Variants in NPTN observed in about 807,000 individuals in gnomAD.
NPTN encodes the protein neuroplastin, also known as SDR-1.
In NPTN, 5 loss-of-function variants were observed where a neutral mutation model predicts 42.7. The ratio of observed to expected loss-of-function variants is 0.12; its 90% confidence interval spans 0.06 to 0.25. The LOEUF is 0.25. Among genes scored for constraint, NPTN ranks in the 10% least tolerant of loss-of-function variants. NPTN has a pLI of 1.00. For missense variants in NPTN, 307 were observed against 525.4 expected, an observed-to-expected ratio of 0.58 and a Z score of 4.06; for synonymous variants, 180 against 201.9, an observed-to-expected ratio of 0.89 and a Z score of 0.92.
chr15:73,633,204 C>A lies in NPTN; in HGVS notation c.12G>T (p.Ser4=). 1 of 1,528,952 alleles carries A rather than the reference C, an allele frequency of 6.5e-7. No individual in the cohort carries two copies. The highest frequency in any genetic ancestry group is 8.7e-7 in the Non-Finnish European group (1 of 1,143,084). The allele number at this position is 1,528,952 out of a possible 1,614,324, so 94.7% of individuals were successfully genotyped here. ...AGAGGGCCAGGGCGCTGGGCAGCGACGAACCCGACATCCTCCCTAGCAGAA... is the reference window on the plus strand; with the variant it reads ...AGAGGGCCAGGGCGCTGGGCAGCGAAGAACCCGACATCCTCCCTAGCAGAA... MSG[S]SLPSALALSL... is the part of the protein sequence containing the mutation. The change falls in exon 1 of 9, where the codon TCG becomes TCT. Residue 4 remains serine, a synonymous_variant. Transcript: ENST00000345330.
intron 1 of NPTN, among the ~76,000 whole-genome samples, chr15:73,615,133 T>C (rs1053233653): frequency 3.3e-5 from 5 of 149,972 alleles, no homozygotes; most frequent in African/African-American, 1.2e-4. Flanking sequence ...ACTCCTAGCA[T>C]CAAAAACAAA....
intron 1 of NPTN, among the ~76,000 whole-genome samples, chr15:73,612,695 G>A (rs1049216895): frequency 1.3e-5 from 2 of 152,126 alleles, no homozygotes; most frequent in African/African-American, 2.4e-5. Context: ...GCGTGAACCC[G>A]GGAGGCGGAG....
At position 73,569,050 on chromosome 15, in the gene NPTN, C is replaced by T. The variant is rs909395477; in HGVS notation, c.1114+1100G>A. 6.1e-6 allele frequency: 6 copies of T among 985,400 alleles called. No homozygotes were observed. In the South Asian group the frequency reaches 1.4e-4, roughly 23 times the overall value. The allele number at this position is 985,400 out of a possible 1,614,324, so 61.0% of individuals were successfully genotyped here. On this transcript the variant is annotated intron_variant, in intron 6 of 8. Transcript: ENST00000345330. This position sits in a 1 kb window ranked among gnomAD's most constrained non-coding sequence, Gnocchi z 4.1. ...GGCAGGATACAGCACCACAGGTGCA[C>T]AAACACAGGCCCCAGAACAGCTGGA...
At chr15:73,632,145 T>C (rs185689293) in intron 1 of NPTN, among the ~76,000 whole-genome samples, 17 of 152,244 alleles carry the variant, frequency 1.1e-4, no homozygotes, top group Admixed American at 9.8e-4. Flanking sequence ...ACCAATATCA[T>C]ACAGCATTTG....
intron 5 of NPTN, 99 bp downstream of exon 5, chr15:73,573,563 A>T (rs1443829906): frequency 1.5e-6 from 2 of 1,331,618 alleles, no homozygotes; most frequent in Non-Finnish European, 2.0e-6. Flanking sequence ...CGCCATGCAC[A>T]CATCCGAGGA....
intron 1 of NPTN, among the ~76,000 whole-genome samples, chr15:73,616,451 G>T (rs1020448679): frequency 6.6e-6 from 1 of 152,070 alleles, no homozygotes; most frequent in Non-Finnish European, 1.5e-5. Flanking sequence ...TTAACACTCA[G>T]ATATACCACG....
intron 4 of NPTN, among the ~76,000 whole-genome samples, chr15:73,584,399 AAAT>A (rs1479114909): frequency 6.6e-6 from 1 of 152,138 alleles, no homozygotes; most frequent in African/African-American, 2.4e-5. Context: ...TTTTAAAAAA[AAAT>A]TTTAGAAAAG....
intron 4 of NPTN, among the ~76,000 whole-genome samples, chr15:73,575,312 T>C (rs1369003664): frequency 6.6e-6 from 1 of 152,196 alleles, no homozygotes; most frequent in Non-Finnish European, 1.5e-5. Flanking sequence ...AGATGGGGTT[T>C]CACCATGTTG....
chr15:73,601,385 C>G (rs181977218), intron 1 of NPTN, among the ~76,000 whole-genome samples: 1 of 152,316 alleles, frequency 6.6e-6, no homozygotes, highest in East Asian at 1.9e-4. Context: ...TTACAAAGTA[C>G]TGTGAAATCA....
intron 5 of NPTN, among the ~76,000 whole-genome samples, chr15:73,571,863 AAGCTTTTAAAAC>A (rs1400349249): frequency 1.3e-5 from 2 of 152,226 alleles, no homozygotes; most frequent in African/African-American, 4.8e-5. Flanking sequence ...GGGAACTCGT[AAGCTTTTAAAAC>A]AGCTAGTCTG....
At chr15:73,594,281 C>G (rs1020267258) in intron 2 of NPTN, among the ~76,000 whole-genome samples, 2 of 152,096 alleles carry the variant, frequency 1.3e-5, no homozygotes, top group Non-Finnish European at 2.9e-5. Flanking sequence ...ACAAGGAGGC[C>G]AAAGTAAATG....
At position 73,570,002 on chromosome 15, in the gene NPTN, G is replaced by A. The variant is rs947063070; in HGVS notation, c.1114+148C>T. The A allele has an allele frequency of 8.4e-6, 6 of 710,984 alleles. No individual in the cohort carries two copies. Among genetic ancestry groups the A allele is most frequent in the South Asian group, 1.1e-4 (2 of 17,934 alleles). 44.0% of individuals were successfully genotyped at this position (710,984 alleles called of 1,614,324 possible). The stretch of plus-strand genomic sequence containing the variant: ...AAAAATAAAAATAAAAAACTCTTAC[G>A]GGTAGGGGGTTAGGAACTGGTATAA... On this transcript the variant is annotated intron_variant, in intron 6 of 8. Coordinates refer to ENST00000345330, the MANE Select transcript of NPTN (RefSeq NM_012428.4). The surrounding 1 kb of genome is among the most constrained non-coding windows in gnomAD (Gnocchi z 4.0).
chr15:73,565,011 T>G (rs1894898542), intron 6 of NPTN, among the ~76,000 whole-genome samples: 1 of 152,222 alleles, frequency 6.6e-6, no homozygotes, highest in Non-Finnish European at 1.5e-5. Context: ...CGGGCTGTTT[T>G]TCCTTTTGGA....
chr15:73,581,841 T>C (rs1896061639), intron 4 of NPTN, among the ~76,000 whole-genome samples: 1 of 152,136 alleles, frequency 6.6e-6, no homozygotes, highest in Non-Finnish European at 1.5e-5. Context: ...GTGCTCTTTT[T>C]TTTTTTCTTT....
At chr15:73,627,100 TG>T (rs1472674175) in intron 1 of NPTN, among the ~76,000 whole-genome samples, 1 of 152,172 alleles carries the variant, frequency 6.6e-6, no homozygotes, top group Non-Finnish European at 1.5e-5. Context: ...CTGAGTATGG[TG>T]GCTGGCGCCT....
intron 1 of NPTN, among the ~76,000 whole-genome samples, chr15:73,619,249 A>C (rs1341453529): frequency 1.3e-5 from 2 of 152,164 alleles, no homozygotes; most frequent in Non-Finnish European, 2.9e-5. Context: ...CTTAATTACT[A>C]ATGTTTAAAA....
intron 4 of NPTN, among the ~76,000 whole-genome samples, chr15:73,580,508 T>TG (rs1388937018): frequency 1.2e-4 from 16 of 131,574 alleles, no homozygotes; most frequent in African/African-American, 5.0e-4. Context: ...AATATATATA[T>TG]TATATATAAT....
intron 2 of NPTN, among the ~76,000 whole-genome samples, chr15:73,594,014 A>G (rs1896718621): frequency 1.3e-5 from 2 of 152,212 alleles, no homozygotes; most frequent in South Asian, 4.1e-4. Flanking sequence ...AGCAGAAAGC[A>G]TCACAATTCC....
At position 73,560,190 on chromosome 15, in the gene NPTN, T is replaced by G. The variant is rs1043574; in HGVS notation, c.*873A>C. The G allele has an allele frequency of 7.3e-6, 2 of 273,400 alleles. No individual in the cohort carries two copies. Among genetic ancestry groups the G allele is most frequent in the Admixed American group, 1.1e-4 (2 of 17,812 alleles). 16.9% of individuals were successfully genotyped at this position (273,400 alleles called of 1,614,324 possible). Reference sequence around the variant, plus strand: ...AGTAAATCAATGTGAAAAAATACAGTGTCAAACCAAAAAGTATAACTATAG... The same window carrying G: ...AGTAAATCAATGTGAAAAAATACAGGGTCAAACCAAAAAGTATAACTATAG... On this transcript the variant is annotated 3_prime_UTR_variant, in exon 9 of 9. Transcript: ENST00000345330.
Sources: gnomAD v4.1 joint callset for allele counts (sites outside exome capture counted in the v4.1 genomes callset) on GRCh38, gnomAD v4.1.1 for gene constraint, Gnocchi (gnomAD v3.1) non-coding constraint, MANE v1.5 for transcripts, NCBI Gene and HGNC (gene_info 2026-07-23, HGNC 2026-07-21) for gene names.